Variants in EXOC4 observed in about 807,000 individuals in gnomAD.
EXOC4 encodes the protein exocyst complex component 4.
Under a neutral mutation model 107.2 loss-of-function variants are expected in EXOC4, and 71 were observed. The observed-to-expected ratio is 0.66, with a 90% CI of 0.55 to 0.81. The LOEUF (loss-of-function observed/expected upper bound fraction) is 0.81. EXOC4 is among the 30% of genes least tolerant of loss of function. The pLI is 0.00. For synonymous variants in EXOC4, 456 were observed against 441.2 expected (o/e 1.03, Z -0.42); for missense variants, 1,108 against 1,189.6 (o/e 0.93, Z 1.01).
chr7:133,838,420 C>T (rs1797962063), intron 11 of EXOC4, among the ~76,000 whole-genome samples: 1 of 152,156 alleles, frequency 6.6e-6, no homozygotes, highest in African/African-American at 2.4e-5. Flanking sequence ...AATCCACTTC[C>T]TTTTCTCTCA....
At chr7:133,403,758 C>T (rs2150735234) in intron 7 of EXOC4, among the ~76,000 whole-genome samples, 1 of 152,116 alleles carries the variant, frequency 6.6e-6, no homozygotes, top group South Asian at 2.1e-4. Flanking sequence ...AGCAAGATCC[C>T]ATCTCTAAAA....
At chr7:133,593,134 T>C (rs979635560) in intron 9 of EXOC4, among the ~76,000 whole-genome samples, 1 of 152,232 alleles carries the variant, frequency 6.6e-6, no homozygotes, top group Non-Finnish European at 1.5e-5. Flanking sequence ...CTTGATTTTT[T>C]TGTGAAAGAT....
chr7:133,962,125 T>C (rs1238829483), intron 14 of EXOC4, among the ~76,000 whole-genome samples: 1 of 152,168 alleles, frequency 6.6e-6, no homozygotes, highest in Non-Finnish European at 1.5e-5. Context: ...TCTCCTGAGG[T>C]CACACATCAA....
At chr7:133,929,425 G>A (rs1800125872) in intron 13 of EXOC4, among the ~76,000 whole-genome samples, 1 of 151,934 alleles carries the variant, frequency 6.6e-6, no homozygotes, top group Admixed American at 6.6e-5. Context: ...TGACTGCTCT[G>A]ATAGTTACCT....
intron 5 of EXOC4, among the ~76,000 whole-genome samples, chr7:133,334,489 G>A (rs541260643): frequency 6.6e-6 from 1 of 152,202 alleles, no homozygotes; most frequent in African/African-American, 2.4e-5. Context: ...ATTCTTCAAT[G>A]TTCTTTTTAT....
chr7:133,784,723 T>A lies in EXOC4; in HGVS notation c.1515-32602T>A, dbSNP rs117709558. On this transcript the variant is annotated intron_variant, in intron 10 of 17. Transcript: ENST00000253861. The stretch of plus-strand genomic sequence containing the variant: ...ATCCCAAGTTTATTATGCTGAGGAG[T>A]TGCTTCGGGAAGGCTATTGAAAGCC... 1.3e-4 allele frequency among the ~76,000 whole-genome samples: 20 copies of A among 152,160 alleles called. No individual in the cohort carries two copies. The East Asian group carries it at 3.3e-3, about 25-fold the overall frequency.
intron 10 of EXOC4, among the ~76,000 whole-genome samples, chr7:133,776,580 T>C (rs1178399800): frequency 2.6e-5 from 4 of 152,200 alleles, no homozygotes; most frequent in African/African-American, 9.7e-5. Context: ...AGTCATTTAC[T>C]CTTCTGTCTA....
intron 11 of EXOC4, among the ~76,000 whole-genome samples, chr7:133,846,800 C>G (rs1487603753): frequency 6.6e-6 from 1 of 152,218 alleles, no homozygotes; most frequent in East Asian, 1.9e-4. Context: ...TCAGGCCGTA[C>G]TTTGCTGACT....
rs1422091025 is a variant in EXOC4, at chr7:133,801,425, T to C, written c.1515-15900T>C. Among the ~76,000 whole-genome samples, 5 of 152,186 alleles carry C rather than the reference T, an allele frequency of 3.3e-5. No individual in the cohort carries two copies. The East Asian group carries it at 9.6e-4, about 29-fold the overall frequency. Reference sequence around the variant, plus strand: ...TTGACTAAATGAGGCTCTTCTTCAATATAAACGAAAGCCCTTGTGTTTTTC... The same window carrying C: ...TTGACTAAATGAGGCTCTTCTTCAACATAAACGAAAGCCCTTGTGTTTTTC... On this transcript the variant is annotated intron_variant, in intron 10 of 17. Transcript: ENST00000253861.
intron 10 of EXOC4, among the ~76,000 whole-genome samples, chr7:133,805,774 C>A (rs926031365): frequency 1.3e-5 from 2 of 152,064 alleles, no homozygotes; most frequent in African/African-American, 4.8e-5. Flanking sequence ...GCAAGGAGTT[C>A]TAGATTCTTT....
chr7:133,298,388 T>C (rs1360917954), intron 3 of EXOC4, among the ~76,000 whole-genome samples: 1 of 152,164 alleles, frequency 6.6e-6, no homozygotes, highest in Non-Finnish European at 1.5e-5. Context: ...AAAAGAGAGT[T>C]GTTCTGTAAC....
chr7:133,867,731 A>T (rs968029826), intron 11 of EXOC4, among the ~76,000 whole-genome samples: 6 of 152,212 alleles, frequency 3.9e-5, no homozygotes, highest in African/African-American at 1.4e-4. Context: ...AACCCTAATC[A>T]GTTACTTAAA....
At chr7:134,055,560 A>G (rs1795901968) in intron 17 of EXOC4, among the ~76,000 whole-genome samples, 2 of 152,192 alleles carry the variant, frequency 1.3e-5, no homozygotes, top group Admixed American at 1.3e-4. Flanking sequence ...TTCTCCTCAC[A>G]CACCCACAGG....
At chr7:133,427,772 C>T (rs1342593446) in intron 7 of EXOC4, among the ~76,000 whole-genome samples, 1 of 152,182 alleles carries the variant, frequency 6.6e-6, no homozygotes, top group African/African-American at 2.4e-5. Flanking sequence ...CTTGTATTTC[C>T]AGTGGGTAAG....
intron 7 of EXOC4, among the ~76,000 whole-genome samples, chr7:133,472,834 G>A (rs1237823588): frequency 6.6e-6 from 1 of 152,090 alleles, no homozygotes; most frequent in Non-Finnish European, 1.5e-5. Flanking sequence ...TAACAATTAA[G>A]GGGACTTTAC....
At chr7:134,057,631 A>G (rs1285337587) in intron 17 of EXOC4, among the ~76,000 whole-genome samples, 2 of 152,138 alleles carry the variant, frequency 1.3e-5, no homozygotes, top group Non-Finnish European at 2.9e-5. Flanking sequence ...CCATTTTATT[A>G]TTGGTCGGAA....
At position 134,007,747 on chromosome 7, in the gene EXOC4, A is replaced by C. The variant is rs1285745918; in HGVS notation, c.2599A>C (p.Ile867Leu). 2 of 1,613,634 alleles carry C rather than the reference A, an allele frequency of 1.2e-6. No homozygotes were observed. Among genetic ancestry groups the C allele is most frequent in the East Asian group, 4.5e-5 (2 of 44,864 alleles). The change falls in exon 17 of 18, where the codon ATC becomes CTC. Residue 867 changes from isoleucine (I) to leucine (L), a missense_variant. Coordinates refer to ENST00000253861, the MANE Select transcript of EXOC4 (RefSeq NM_021807.4). ...CTTCAGGCGCATCAGTGAGTCTGGC[A>C]TCAAGAAAATGTGTAGGAACATTTT... ...QYFRRISESG[I>L]KKMCRNIFVL...
intron 10 of EXOC4, among the ~76,000 whole-genome samples, chr7:133,700,240 T>A (rs578197251): frequency 6.6e-6 from 1 of 152,336 alleles, no homozygotes; most frequent in South Asian, 2.1e-4. Context: ...AGAGATTGAT[T>A]TAACACGCAA....
At chr7:133,790,114 A>G (rs1176284895) in intron 10 of EXOC4, among the ~76,000 whole-genome samples, 2 of 152,238 alleles carry the variant, frequency 1.3e-5, no homozygotes, top group African/African-American at 4.8e-5. Flanking sequence ...TCTTCCCAGC[A>G]GAAATAAGTC....
Sources: gnomAD v4.1 joint callset for allele counts (sites outside exome capture counted in the v4.1 genomes callset) on GRCh38, gnomAD v4.1.1 for gene constraint, MANE v1.5 for transcripts, NCBI Gene and HGNC (gene_info 2026-07-23, HGNC 2026-07-21) for gene names.